PCDHGB3: variants seen among roughly 807,000 people sequenced by gnomAD.
PCDHGB3 encodes protocadherin gamma-B3.
Under a neutral mutation model 59.2 loss-of-function variants are expected in PCDHGB3, and 40 were observed. That is an observed-to-expected ratio of 0.68 (90% confidence interval 0.52 to 0.88). PCDHGB3 has a LOEUF of 0.88. Among genes scored for constraint, PCDHGB3 ranks in the 40% least tolerant of loss-of-function variants. PCDHGB3 has a pLI of 0.00. For missense variants in PCDHGB3, 1,309 were observed against 1,187.9 expected (o/e 1.10, Z -1.50); for synonymous variants, 581 against 503.6 (o/e 1.15, Z -2.06).
At chr5:141,377,551 G>A (rs949060522) in intron 1 of PCDHGB3, 1 of 151,380 alleles carries the variant, frequency 6.6e-6, no homozygotes, top group Non-Finnish European at 1.5e-5. Flanking sequence ...AGATATAATT[G>A]TGTCACTGCA....
At chr5:141,478,535 C>G (rs1359742091) in intron 1 of PCDHGB3, 1 of 1,607,794 alleles carries the variant, frequency 6.2e-7, no homozygotes, top group Non-Finnish European at 8.5e-7. Flanking sequence ...AGAGAGCGCC[C>G]CTCCCGGACA....
intron 1 of PCDHGB3, among the ~76,000 whole-genome samples, chr5:141,444,977 T>A (rs2098452876): frequency 1.3e-5 from 2 of 152,200 alleles, no homozygotes; most frequent in South Asian, 4.1e-4. Flanking sequence ...TTCAAATCCA[T>A]GAACATGGTA....
chr5:141,445,129 A>G (rs1405841381), intron 1 of PCDHGB3, among the ~76,000 whole-genome samples: 3 of 152,226 alleles, frequency 2.0e-5, no homozygotes, highest in Non-Finnish European at 4.4e-5. Context: ...TATTTTTAAA[A>G]TTGTATCTTC....
chr5:141,393,458 G>A (rs181214352), intron 1 of PCDHGB3: 5 of 1,614,020 alleles, frequency 3.1e-6, no homozygotes, highest in African/African-American at 2.7e-5. Context: ...TCACGGCCTC[G>A]GATGGCGGCA....
rs1201654822 is a variant in PCDHGB3, at chr5:141,476,876, C to T, written c.2416-17931C>T. ...CCAGTCCTTGTACCGGGCGCGCGTC[C>T]TGGAGGATGCACCCTCCGGCACGCG... On this transcript the variant is annotated intron_variant, in intron 1 of 3. Transcript: ENST00000576222. The surrounding 1 kb of genome is among the most constrained non-coding windows in gnomAD (Gnocchi z 7.6). 6.2e-7 allele frequency: 1 copy of T among 1,613,876 alleles called. No homozygotes were observed. The highest frequency in any genetic ancestry group is 1.7e-5 in the Admixed American group (1 of 60,018).
rs138463062 is a variant in PCDHGB3 at position 141,485,217 on chromosome 5, C to T, written c.2416-9590C>T. 7,893 of 1,614,092 alleles carry T rather than the reference C, an allele frequency of 4.9e-3. 42 individuals carry two copies. Among genetic ancestry groups the T allele is most frequent in the Admixed American group, 8.8e-3 (531 of 60,030 alleles). On this transcript the variant is annotated intron_variant, in intron 1 of 3. Coordinates refer to ENST00000576222, the MANE Select transcript of PCDHGB3 (RefSeq NM_018924.5). This position sits in a 1 kb window ranked among gnomAD's most constrained non-coding sequence, Gnocchi z 5.7. Reference sequence around the variant, plus strand: ...AGCTGGACAGAAATCTGGCGGTGGGCTACCCTTTTGTTCCTCTTTTACCAC... The same window carrying T: ...AGCTGGACAGAAATCTGGCGGTGGGTTACCCTTTTGTTCCTCTTTTACCAC...
rs1386904017 is a variant in PCDHGB3 at position 141,476,642 on chromosome 5, CG to C, written c.2416-18164del. On this transcript the variant is annotated intron_variant, in intron 1 of 3. Coordinates refer to ENST00000576222, the MANE Select transcript of PCDHGB3 (RefSeq NM_018924.5). The surrounding 1 kb of genome is among the most constrained non-coding windows in gnomAD (Gnocchi z 7.6). ...CTCTTTACAAACCTATGAGCTGAGC[CG>C]AAATGAATACTTTGCGCTTCGCGTG... The C allele has an allele frequency of 2.5e-6, 4 of 1,614,240 alleles. No homozygotes were observed.
chr5:141,394,850 G>C, intron 1 of PCDHGB3: 1 of 1,613,820 alleles, frequency 6.2e-7, no homozygotes, highest in Non-Finnish European at 8.5e-7. Flanking sequence ...GCAGTCTGAA[G>C]CCTTCGGTCG....
chr5:141,479,109 A>G (rs925202951), intron 1 of PCDHGB3, among the ~76,000 whole-genome samples: 4 of 152,234 alleles, frequency 2.6e-5, no homozygotes, highest in Admixed American at 2.6e-4. Context: ...TATTTCAAGC[A>G]TTCTACTGGA....
Position 141,476,752 on chromosome 5 carries a change from A to T in PCDHGB3, c.2416-18055A>T, listed in dbSNP as rs771355583. On this transcript the variant is annotated intron_variant, in intron 1 of 3. Coordinates refer to ENST00000576222, the MANE Select transcript of PCDHGB3 (RefSeq NM_018924.5). This position sits in a 1 kb window ranked among gnomAD's most constrained non-coding sequence, Gnocchi z 7.6. ...GAGAACGGGAGCCTAGTCTCCAGTTAGTGCTGACGGCGTTGGACGGAGGGA... is the reference window on the plus strand; with the variant it reads ...GAGAACGGGAGCCTAGTCTCCAGTTTGTGCTGACGGCGTTGGACGGAGGGA... 1.2e-6 allele frequency: 2 copies of T among 1,613,926 alleles called. No individual in the cohort carries two copies. Among genetic ancestry groups the T allele is most frequent in the South Asian group, 2.2e-5 (2 of 91,080 alleles).
intron 1 of PCDHGB3, chr5:141,398,003 A>C: frequency 1.4e-6 from 2 of 1,391,912 alleles, no homozygotes; most frequent in East Asian, 5.0e-5. Context: ...TCCTCGGAAA[A>C]AGAATCGTTT....
intron 1 of PCDHGB3, chr5:141,400,715 T>C: frequency 1.5e-6 from 1 of 682,576 alleles, no homozygotes; most frequent in Non-Finnish European, 2.4e-6. Context: ...AGTAGCCTTA[T>C]AGATTTACAA....
intron 1 of PCDHGB3, chr5:141,427,761 G>A (rs1228905550): frequency 3.7e-6 from 5 of 1,366,246 alleles, no homozygotes; most frequent in Non-Finnish European, 4.1e-6. Flanking sequence ...CGTTACCACT[G>A]ACTTGGAGCT....
At chr5:141,443,344 G>T (rs1016738767) in intron 1 of PCDHGB3, among the ~76,000 whole-genome samples, 2 of 151,966 alleles carry the variant, frequency 1.3e-5, no homozygotes, top group African/African-American at 2.4e-5. Context: ...AATTAACAAG[G>T]TTTAGTGGTC....
chr5:141,450,977 A>G (rs2098702822), intron 1 of PCDHGB3, among the ~76,000 whole-genome samples: 1 of 151,760 alleles, frequency 6.6e-6, no homozygotes, highest in African/African-American at 2.4e-5. Context: ...GGCATGTGCC[A>G]CCACACCCGG....
chr5:141,423,552 C>A, intron 1 of PCDHGB3: 2 of 1,613,720 alleles, frequency 1.2e-6, no homozygotes, highest in Non-Finnish European at 1.7e-6. Context: ...CCCAGCCCAA[C>A]TATGGGGACA....
At chr5:141,478,891 A>G (rs1045274228) in intron 1 of PCDHGB3, 10 of 1,122,064 alleles carry the variant, frequency 8.9e-6, no homozygotes, top group Admixed American at 3.1e-5. Context: ...TATCATTTAC[A>G]TTAGGAATAA....
At chr5:141,414,531 C>A in intron 1 of PCDHGB3, 1 of 1,613,960 alleles carries the variant, frequency 6.2e-7, no homozygotes, top group Non-Finnish European at 8.5e-7. Context: ...TCAATGACAA[C>A]CCACCTACCT....
chr5:141,379,819 A>T (rs1775847622), intron 1 of PCDHGB3, among the ~76,000 whole-genome samples: 1 of 150,144 alleles, frequency 6.7e-6, no homozygotes, highest in African/African-American at 2.4e-5. Context: ...TCAGTATAGA[A>T]TTTTGAAGCA....
Sources: allele counts gnomAD v4.1 joint callset (sites outside exome capture counted in the v4.1 genomes callset), GRCh38; gene constraint gnomAD v4.1.1; non-coding constraint Gnocchi (gnomAD v3.1); transcripts MANE v1.5; gene names NCBI Gene and HGNC (gene_info 2026-07-23, HGNC 2026-07-21).